SLC24A2: variants seen among roughly 807,000 people sequenced by gnomAD.
SLC24A2 encodes solute carrier family 24 member 2.
Under a neutral mutation model 62.0 loss-of-function variants are expected in SLC24A2, and 36 were observed. The observed-to-expected ratio is 0.58, with a 90% CI of 0.44 to 0.77. The LOEUF (loss-of-function observed/expected upper bound fraction) is 0.77. Among genes scored for constraint, SLC24A2 ranks in the 30% least tolerant of loss-of-function variants. The pLI is 0.00. For synonymous variants in SLC24A2, 358 were observed against 294.0 expected (o/e 1.22, Z -2.23); for missense variants, 846 against 817.9 (o/e 1.03, Z -0.42).
At chr9:19,934,044 G>C in the SLC24A2 span, among the ~76,000 whole-genome samples, 1 of 152,206 alleles carries the variant, frequency 6.6e-6, no homozygotes, top group African/African-American at 2.4e-5. This position sits in a 1 kb window ranked among gnomAD's most constrained non-coding sequence, Gnocchi z 4.1. Flanking sequence ...TCTGGACTTA[G>C]TTGTGATGGC....
At chr9:19,622,343 T>C (rs1262382488) in intron 2 of SLC24A2, 44 bp from the exon 3 acceptor site, 3 of 1,571,716 alleles carry the variant, frequency 1.9e-6, no homozygotes, top group Admixed American at 3.4e-5. Flanking sequence ...AAGAAATAAA[T>C]AAATGAAGAA....
chr9:19,729,410 T>C (rs959373269), intron 2 of SLC24A2, among the ~76,000 whole-genome samples: 3 of 152,174 alleles, frequency 2.0e-5, no homozygotes, highest in Non-Finnish European at 4.4e-5. Flanking sequence ...TGAAGAGATA[T>C]CTGCACTCCA....
At chr9:19,774,604 G>C (rs1822789542) in intron 2 of SLC24A2, among the ~76,000 whole-genome samples, 1 of 152,198 alleles carries the variant, frequency 6.6e-6, no homozygotes, top group Non-Finnish European at 1.5e-5. Flanking sequence ...CAGTTTATAA[G>C]TGGGAAAAAC....
chr9:19,546,199 G>A (rs1250016281), intron 8 of SLC24A2, among the ~76,000 whole-genome samples: 2 of 152,212 alleles, frequency 1.3e-5, no homozygotes, highest in African/African-American at 2.4e-5. Flanking sequence ...CCCACTTGAG[G>A]AGGCAGTCTG....
At chr9:19,714,748 C>T (rs1306246241) in intron 2 of SLC24A2, among the ~76,000 whole-genome samples, 1 of 152,048 alleles carries the variant, frequency 6.6e-6, no homozygotes, top group Admixed American at 6.5e-5. Context: ...CACAGTTATC[C>T]ATTTTTCCCC....
chr9:19,923,928 A>G, the SLC24A2 span, among the ~76,000 whole-genome samples: 1 of 152,112 alleles, frequency 6.6e-6, no homozygotes, highest in Non-Finnish European at 1.5e-5. Flanking sequence ...TTGTATTTTT[A>G]GTAGAGACAG....
chr9:20,162,563 T>C, the SLC24A2 span, among the ~76,000 whole-genome samples: 688 of 152,172 alleles, frequency 4.5e-3, 2 homozygotes, highest in African/African-American at 0.016. Context: ...AAGGAGGAAC[T>C]GGTACCATTC....
chr9:20,146,824 T>C, the SLC24A2 span, among the ~76,000 whole-genome samples: 1 of 152,088 alleles, frequency 6.6e-6, no homozygotes, highest in Admixed American at 6.6e-5. Flanking sequence ...TGGGGGACAG[T>C]GGCAGAGTGG....
chr9:20,170,108 G>A, the SLC24A2 span, among the ~76,000 whole-genome samples: 664 of 146,514 alleles, frequency 4.5e-3, 4 homozygotes, highest in South Asian at 0.011. Flanking sequence ...CAAGATTTTC[G>A]AATTAACCCA....
intron 2 of SLC24A2, among the ~76,000 whole-genome samples, chr9:19,655,238 G>T (rs1002882873): frequency 7.9e-5 from 12 of 152,324 alleles, no homozygotes; most frequent in African/African-American, 2.9e-4. Flanking sequence ...TATGTGAGAA[G>T]TGAGCTCATG....
At chr9:20,225,448 C>T in the SLC24A2 span, among the ~76,000 whole-genome samples, 1 of 147,384 alleles carries the variant, frequency 6.8e-6, no homozygotes, top group East Asian at 2.1e-4. Flanking sequence ...TCACTTGTAT[C>T]TAAAATATTG....
chr9:19,722,858 A>G (rs1284297880), intron 2 of SLC24A2, among the ~76,000 whole-genome samples: 1 of 152,140 alleles, frequency 6.6e-6, no homozygotes, highest in Non-Finnish European at 1.5e-5. Flanking sequence ...AAGAGTTTCT[A>G]GAGCATTTGG....
chr9:19,956,056 G>A, the SLC24A2 span, among the ~76,000 whole-genome samples: 1 of 152,194 alleles, frequency 6.6e-6, no homozygotes, highest in African/African-American at 2.4e-5. Flanking sequence ...AGAACTGGCT[G>A]CAGGACAAAG....
intron 2 of SLC24A2, among the ~76,000 whole-genome samples, chr9:19,714,342 G>A (rs1394920362): frequency 6.6e-6 from 1 of 152,194 alleles, no homozygotes; most frequent in African/African-American, 2.4e-5. Flanking sequence ...CATAAAGGCA[G>A]CATCCCAAGC....
At chr9:20,274,225 A>C in the SLC24A2 span, among the ~76,000 whole-genome samples, 1 of 152,296 alleles carries the variant, frequency 6.6e-6, no homozygotes, top group Non-Finnish European at 1.5e-5. Flanking sequence ...TTCAAGGACT[A>C]TGGATATAGC....
chr9:19,821,711 G>A, the SLC24A2 span, among the ~76,000 whole-genome samples: 1 of 152,036 alleles, frequency 6.6e-6, no homozygotes, highest in Non-Finnish European at 1.5e-5. Flanking sequence ...TTGAAACAAT[G>A]TACAATATTG....
chr9:19,642,859 T>C (rs1171213469), intron 2 of SLC24A2, among the ~76,000 whole-genome samples: 1 of 151,394 alleles, frequency 6.6e-6, no homozygotes, highest in African/African-American at 2.4e-5. Flanking sequence ...TTTTTGTATT[T>C]TTAGTAGAGA....
the SLC24A2 span, among the ~76,000 whole-genome samples, chr9:19,912,434 G>C: frequency 2.0e-5 from 3 of 152,098 alleles, no homozygotes; most frequent in Non-Finnish European, 2.9e-5. Flanking sequence ...GAAATCATCG[G>C]TTTCAGTAAT....
At chr9:19,664,809 G>A (rs1462819450) in intron 2 of SLC24A2, among the ~76,000 whole-genome samples, 3 of 152,244 alleles carry the variant, frequency 2.0e-5, no homozygotes, top group African/African-American at 7.2e-5. Flanking sequence ...GGAATGCCAC[G>A]GATTGCCAGC....
Sources: allele counts gnomAD v4.1 joint callset (sites outside exome capture counted in the v4.1 genomes callset), GRCh38; gene constraint gnomAD v4.1.1; non-coding constraint Gnocchi (gnomAD v3.1); transcripts MANE v1.5; gene names NCBI Gene and HGNC (gene_info 2026-07-23, HGNC 2026-07-21).